Variants in SLC33A1 observed in about 807,000 individuals in gnomAD.
SLC33A1 encodes solute carrier family 33 member 1.
Under a neutral mutation model 50.0 loss-of-function variants are expected in SLC33A1, and 20 were observed. The ratio of observed to expected loss-of-function variants is 0.40; its 90% CI spans 0.28 to 0.58. The LOEUF (loss-of-function observed/expected upper bound fraction) is 0.58. Among genes scored for constraint, SLC33A1 ranks in the 20% least tolerant of loss-of-function variants. The pLI, the probability that SLC33A1 is intolerant of heterozygous loss-of-function variation, is 0.44. For synonymous variants in SLC33A1, 265 were observed against 251.8 expected, an observed-to-expected ratio of 1.05 and a Z score of -0.50; for missense variants, 476 against 657.0, an observed-to-expected ratio of 0.72 and a Z score of 3.01.
rs1402185141 is a variant in SLC33A1 at position 155,826,783 on chromosome 3, C to T, written c.*1427G>A. 1.3e-5 allele frequency: 2 copies of T among 152,122 alleles called. No homozygotes were observed. Among genetic ancestry groups the T allele is most frequent in the African/African-American group, 4.8e-5 (2 of 41,440 alleles). The allele number at this position is 152,122 out of a possible 1,614,324, so 9.4% of individuals were successfully genotyped here. On this transcript the variant is annotated 3_prime_UTR_variant, in exon 6 of 6. Transcript: ENST00000643144. ...GCCATTTTCTCCCACCCATTTTATC[C>T]TCCATTACTTATAAAAACCCCACTC...
At chr3:155,834,292 C>A (rs1752568019) in intron 2 of SLC33A1, among the ~76,000 whole-genome samples, 1 of 152,130 alleles carries the variant, frequency 6.6e-6, no homozygotes, top group African/African-American at 2.4e-5. Context: ...GCTATAAATA[C>A]AACTAAATTT....
At chr3:155,841,333 T>C (rs1346774074) in intron 2 of SLC33A1, among the ~76,000 whole-genome samples, 1 of 152,218 alleles carries the variant, frequency 6.6e-6, no homozygotes, top group Admixed American at 6.5e-5. Context: ...ATCACAGGCA[T>C]GAGCCAGCAC....
intron 1 of SLC33A1, among the ~76,000 whole-genome samples, chr3:155,852,289 C>G (rs953659399): frequency 2.0e-5 from 3 of 151,764 alleles, no homozygotes; most frequent in African/African-American, 7.3e-5. Flanking sequence ...GAGACAGCCC[C>G]CCCGACCCCC....
rs1479605212 is a variant in SLC33A1, at chr3:155,833,838, G to C, written c.1148+19C>G. 8.8e-6 allele frequency: 14 copies of C among 1,587,154 alleles called. No homozygotes were observed. Among genetic ancestry groups the C allele is most frequent in the Non-Finnish European group, 1.2e-5 (14 of 1,156,094 alleles). ...CATTTTACCCTTTCTTATTTAGTAA[G>C]GTTTTATTTCATTTTTACCTGTAGG... On this transcript the variant is annotated intron_variant, in intron 3 of 5. Transcript: ENST00000643144.
chr3:155,854,148 C>A lies in SLC33A1; in HGVS notation c.-151G>T. ...CTCAGAGCGATAAGGGCACTTCTTA[C>A]TGCAGCCCGGAGTGCTGAAGCCGGG... On this transcript the variant is annotated 5_prime_UTR_variant, in exon 1 of 6. Coordinates refer to ENST00000643144, the MANE Select transcript of SLC33A1 (RefSeq NM_004733.4). The A allele has an allele frequency of 1.7e-6, 1 of 574,354 alleles. No homozygotes were observed. The highest frequency in any genetic ancestry group is 2.9e-6 in the Non-Finnish European group (1 of 342,854). 35.6% of individuals were successfully genotyped at this position (574,354 alleles called of 1,614,324 possible). A position where few individuals can be genotyped will look rare whatever the true frequency, so the allele number is the denominator to read the frequency against.
intron 1 of SLC33A1, among the ~76,000 whole-genome samples, chr3:155,844,455 ATATTTTTTTTTTTT>A (rs1346545186): frequency 4.2e-5 from 1 of 23,964 alleles, no homozygotes; most frequent in African/African-American, 1.4e-4. Flanking sequence ...ATATATATAT[ATATTTTTTTTTTTT>A]TTTTTTTTTT....
intron 2 of SLC33A1, among the ~76,000 whole-genome samples, chr3:155,836,327 AAAAG>A (rs924494523): frequency 1.4e-5 from 2 of 138,616 alleles, no homozygotes; most frequent in African/African-American, 6.1e-5. Flanking sequence ...AAGAAAGAAA[AAAAG>A]AAAGAAAGAA....
chr3:155,828,466 A>C, intron 5 of SLC33A1, 89 bp from the exon 6 acceptor site: 1 of 778,128 alleles, frequency 1.3e-6, no homozygotes, highest in South Asian at 1.6e-5. Context: ...AAAGAATAAA[A>C]ATATATTTTT....
chr3:155,833,508 T>C lies in SLC33A1; in HGVS notation c.1226A>G (p.Tyr409Cys). Residue 409 changes from tyrosine (Y) to cysteine (C), a missense_variant, in exon 4 of 6, where the codon TAT becomes TGT. Tyr to Cys is a radical substitution (Grantham distance 194). Transcript: ENST00000643144. ...ACTCAGCAGGACTACGATATAGTAA[T>C]ATATAGGGAATCCCCCTTGATGTTC... ...KVEHQGGFPI[Y>C]YYIVVLLSYA... The C allele has an allele frequency of 6.3e-7, 1 of 1,598,754 alleles. No homozygotes were observed. Among genetic ancestry groups the C allele is most frequent in the Non-Finnish European group, 8.6e-7 (1 of 1,166,114 alleles).
At chr3:155,836,231 C>G (rs1461009371) in intron 2 of SLC33A1, among the ~76,000 whole-genome samples, 1 of 119,436 alleles carries the variant, frequency 8.4e-6, no homozygotes, top group Non-Finnish European at 1.6e-5. Flanking sequence ...TTGCAGTGAG[C>G]CAAGATCGCG....
intron 1 of SLC33A1, among the ~76,000 whole-genome samples, chr3:155,852,529 C>G (rs1753439914): frequency 6.6e-6 from 1 of 152,196 alleles, no homozygotes; most frequent in South Asian, 2.1e-4. Flanking sequence ...ATGTCCTGTA[C>G]TTTTTTGTAC....
At chr3:155,828,735 G>A (rs1252904762) in intron 5 of SLC33A1, among the ~76,000 whole-genome samples, 3 of 151,692 alleles carry the variant, frequency 2.0e-5, no homozygotes, top group Admixed American at 6.6e-5. Context: ...GACCACAGGC[G>A]TGCACCACCA....
chr3:155,824,272 G>T lies in SLC33A1; in HGVS notation c.*3938C>A, dbSNP rs1453364246. ...CAACAAGTTATTTCATTTTAGCAGG[G>T]TCTATGACATACAGCTTTAGTCATT... On this transcript the variant is annotated 3_prime_UTR_variant, in exon 6 of 6. Coordinates refer to ENST00000643144, the MANE Select transcript of SLC33A1 (RefSeq NM_004733.4). 1 of 152,152 alleles carries T rather than the reference G, an allele frequency of 6.6e-6. No homozygotes were observed. Among genetic ancestry groups the T allele is most frequent in the Non-Finnish European group, 1.5e-5 (1 of 68,022 alleles). 9.4% of individuals were successfully genotyped at this position (152,152 alleles called of 1,614,324 possible).
rs548569925 is a variant in SLC33A1, at chr3:155,841,734, TTTTATTTA to T, written c.963+690_963+697del. The stretch of plus-strand genomic sequence containing the variant: ...CTAATACTCATATACTTCTATATCT[TTTTATTTA>T]TTTATTTATTTATTTATTATTTTGA... On this transcript the variant is annotated intron_variant, in intron 2 of 5. Coordinates refer to ENST00000643144, the MANE Select transcript of SLC33A1 (RefSeq NM_004733.4). Among the ~76,000 whole-genome samples, 101 of 151,836 alleles carry T rather than the reference TTTTATTTA, an allele frequency of 6.7e-4. 1 individual carries two copies. In the East Asian group the frequency reaches 0.017, roughly 26 times the overall value.
chr3:155,828,316 A>G lies in SLC33A1; in HGVS notation c.1544T>C (p.Ile515Thr). ...TALDGYYVESIICVFIGFGWW... is the reference protein window; with the variant it reads ...TALDGYYVESTICVFIGFGWW... ...ACCAAATCCAATGAAAACACAAATA[A>G]TGGACTCCACATAATAACCATCCAG... Residue 515 changes from isoleucine (I) to threonine (T), a missense_variant, in exon 6 of 6, where the codon ATT (isoleucine) becomes ACT (threonine). Coordinates refer to ENST00000643144, the MANE Select transcript of SLC33A1 (RefSeq NM_004733.4). 6 of 1,602,170 alleles carry G rather than the reference A, an allele frequency of 3.7e-6. No homozygotes were observed. Among genetic ancestry groups the G allele is most frequent in the Non-Finnish European group, 5.1e-6 (6 of 1,169,150 alleles).
At chr3:155,850,535 GTTA>G (rs1477157869) in intron 1 of SLC33A1, among the ~76,000 whole-genome samples, 2 of 151,984 alleles carry the variant, frequency 1.3e-5, no homozygotes, top group African/African-American at 4.8e-5. Flanking sequence ...GAGTTCAAGA[GTTA>G]TTATATTTAT....
chr3:155,840,412 A>G (rs1752884219), intron 2 of SLC33A1, among the ~76,000 whole-genome samples: 1 of 152,022 alleles, frequency 6.6e-6, no homozygotes, highest in Non-Finnish European at 1.5e-5. Context: ...TAAATGAAAA[A>G]TTATTAAATC....
intron 1 of SLC33A1, among the ~76,000 whole-genome samples, chr3:155,846,744 TG>T (rs752126281): frequency 7.9e-5 from 12 of 151,276 alleles, no homozygotes; most frequent in Non-Finnish European, 1.6e-4. Flanking sequence ...TGAGCCACCG[TG>T]CCTGGCTCCC....
At chr3:155,848,585 G>A (rs565343149) in intron 1 of SLC33A1, among the ~76,000 whole-genome samples, 1 of 152,320 alleles carries the variant, frequency 6.6e-6, no homozygotes, top group East Asian at 1.9e-4. Flanking sequence ...GGGAGGCTGA[G>A]GCAGGAGAAT....
Sources: allele counts gnomAD v4.1 joint callset (sites outside exome capture counted in the v4.1 genomes callset), GRCh38; gene constraint gnomAD v4.1.1; transcripts MANE v1.5; gene names NCBI Gene and HGNC (gene_info 2026-07-23, HGNC 2026-07-21).